DNAJB12: variants seen among roughly 807,000 people sequenced by gnomAD.
DNAJB12 encodes the protein dnaJ homolog subfamily B member 12.
In DNAJB12, 14 loss-of-function variants were observed where a neutral mutation model predicts 40.6. The ratio of observed to expected loss-of-function variants is 0.34; its 90% CI spans 0.23 to 0.54. The LOEUF (loss-of-function observed/expected upper bound fraction) is 0.54. Among genes scored for constraint, DNAJB12 ranks in the 20% least tolerant of loss-of-function variants. The pLI is 0.92. For synonymous variants in DNAJB12, 181 were observed against 199.5 expected, an observed-to-expected ratio of 0.91 and a Z score of 0.78; for missense variants, 444 against 501.7, an observed-to-expected ratio of 0.89 and a Z score of 1.10.
chr10:72,353,042 G>A (rs925175459), intron 1 of DNAJB12, among the ~76,000 whole-genome samples: 1 of 152,244 alleles, frequency 6.6e-6, no homozygotes, highest in African/African-American at 2.4e-5. Context: ...TGCATAAGGC[G>A]TATAGTCTCA....
At chr10:72,347,058 G>A (rs549498889) in intron 1 of DNAJB12, among the ~76,000 whole-genome samples, 3 of 151,184 alleles carry the variant, frequency 2.0e-5, no homozygotes, top group South Asian at 2.1e-4. Flanking sequence ...TCTGCCTCCC[G>A]GTTTCAAGCG....
rs917812123 is a variant in DNAJB12 at position 72,346,156 on chromosome 10, AT to A, written c.134-1030del. ...ACCCTATAGTACTTTATTTAGAGTT[AT>A]TTTTTTTTATTTGTTTGTTTATTTG... On this transcript the variant is annotated intron_variant, in intron 1 of 8. Coordinates refer to ENST00000444643, the MANE Select transcript of DNAJB12 (RefSeq NM_017626.7). 1.1e-4 allele frequency among the ~76,000 whole-genome samples: 17 copies of A among 151,016 alleles called. No homozygotes were observed. In the South Asian group the frequency reaches 1.9e-3, roughly 17 times the overall value.
At chr10:72,354,697 G>T in intron 1 of DNAJB12, 68 bp downstream of exon 1, 1 of 1,294,118 alleles carries the variant, frequency 7.7e-7, no homozygotes, top group South Asian at 1.3e-5. Context: ...AACTGCTCCC[G>T]TCGGTCCGTT....
chr10:72,344,804 C>G, intron 2 of DNAJB12, 146 bp downstream of exon 2: 1 of 923,056 alleles, frequency 1.1e-6, no homozygotes, highest in Non-Finnish European at 1.7e-6. Context: ...TCCTGGTGAG[C>G]CTGGACCCTT....
rs942298595 is a variant in DNAJB12, at chr10:72,335,937, A to G, written c.1007-6T>C. ...CCGGTACAGCAAGCCTTCCTCTGCA[A>G]AGCAATGGGACAGGGTTAGTGCACA... is the stretch of plus-strand genomic sequence containing the variant. On this transcript the variant is annotated splice_region_variant and splice_polypyrimidine_tract_variant and intron_variant, in intron 7 of 8. Coordinates refer to ENST00000444643, the MANE Select transcript of DNAJB12 (RefSeq NM_017626.7). The surrounding 1 kb of genome is among the most constrained non-coding windows in gnomAD (Gnocchi z 4.4). The G allele has an allele frequency of 6.2e-7, 1 of 1,614,038 alleles. No individual in the cohort carries two copies. Among genetic ancestry groups the G allele is most frequent in the Non-Finnish European group, 8.5e-7 (1 of 1,179,928 alleles).
At chr10:72,345,627 C>T (rs1384994918) in intron 1 of DNAJB12, among the ~76,000 whole-genome samples, 11 of 140,124 alleles carry the variant, frequency 7.9e-5, no homozygotes, top group Admixed American at 4.3e-4. Context: ...AATCCCAGCA[C>T]TTTGGGAGGC....
chr10:72,353,930 C>T (rs937202201), intron 1 of DNAJB12: 2 of 152,218 alleles, frequency 1.3e-5, no homozygotes, highest in Admixed American at 1.3e-4. Flanking sequence ...AAGAAAAACT[C>T]CTTGGAAAAC....
chr10:72,340,115 C>T (rs1200770094), intron 5 of DNAJB12, among the ~76,000 whole-genome samples: 1 of 152,036 alleles, frequency 6.6e-6, no homozygotes, highest in Admixed American at 6.6e-5. Context: ...GAGGCTGAGG[C>T]GGGTGAATCA....
At chr10:72,354,696 C>G (rs375559748) in intron 1 of DNAJB12, 69 bp downstream of exon 1, 2 of 1,430,008 alleles carry the variant, frequency 1.4e-6, no homozygotes, top group Non-Finnish European at 9.5e-7. Context: ...CAACTGCTCC[C>G]GTCGGTCCGT....
At chr10:72,348,084 G>A (rs760160112) in intron 1 of DNAJB12, among the ~76,000 whole-genome samples, 5 of 150,286 alleles carry the variant, frequency 3.3e-5, no homozygotes, top group Admixed American at 1.3e-4. Context: ...ATTAGCCGGC[G>A]TGGTGGCAGG....
intron 6 of DNAJB12, among the ~76,000 whole-genome samples, chr10:72,337,745 TC>T (rs1330452359): frequency 1.3e-5 from 2 of 152,150 alleles, no homozygotes; most frequent in Non-Finnish European, 2.9e-5. Flanking sequence ...CCCTGTTCTT[TC>T]CACAGCCTCA....
intron 3 of DNAJB12, 122 bp downstream of exon 3, chr10:72,343,244 C>A: frequency 7.7e-7 from 1 of 1,301,394 alleles, no homozygotes; most frequent in Non-Finnish European, 1.1e-6. Flanking sequence ...GCCTGGGCAA[C>A]TTGGGCCCAA....
At chr10:72,337,936 CGT>C (rs753596521) in intron 6 of DNAJB12, among the ~76,000 whole-genome samples, 1 of 151,848 alleles carries the variant, frequency 6.6e-6, no homozygotes, top group African/African-American at 2.4e-5. Context: ...ACATGTGTAT[CGT>C]GTGTGTGTAT....
chr10:72,335,041 CT>C lies in DNAJB12; in HGVS notation c.*31-425del. On this transcript the variant is annotated intron_variant, in intron 8 of 8. Transcript: ENST00000444643. This position sits in a 1 kb window ranked among gnomAD's most constrained non-coding sequence, Gnocchi z 4.4. ...CCTCCACCCCTCCTGTGCTGAGCGGCTGCGTCTGACCCTGAACTCATGACCT... is the reference window on the plus strand; with the variant it reads ...CCTCCACCCCTCCTGTGCTGAGCGGCGCGTCTGACCCTGAACTCATGACCT... 9.8e-7 allele frequency: 1 copy of C among 1,023,862 alleles called. No individual in the cohort carries two copies. The highest frequency in any genetic ancestry group is 1.2e-6 in the Non-Finnish European group (1 of 854,444). 63.4% of individuals were successfully genotyped at this position (1,023,862 alleles called of 1,614,324 possible). A position where few individuals can be genotyped will look rare whatever the true frequency, so the allele number is the denominator to read the frequency against.
Position 72,335,106 on chromosome 10 carries a change from C to G in DNAJB12, c.*31-489G>C. 1.0e-6 allele frequency: 1 copy of G among 990,650 alleles called. No individual in the cohort carries two copies. The highest frequency in any genetic ancestry group is 4.5e-5 in the South Asian group (1 of 21,984). 61.4% of individuals were successfully genotyped at this position (990,650 alleles called of 1,614,324 possible). On this transcript the variant is annotated intron_variant, in intron 8 of 8. Coordinates refer to ENST00000444643, the MANE Select transcript of DNAJB12 (RefSeq NM_017626.7). This position sits in a 1 kb window ranked among gnomAD's most constrained non-coding sequence, Gnocchi z 4.4. ...TCAGACCGCAGGCGAGATGCCTGGGCAAGGCCGGATGCCTGTGGCTTCCAG... is the reference window on the plus strand; with the variant it reads ...TCAGACCGCAGGCGAGATGCCTGGGGAAGGCCGGATGCCTGTGGCTTCCAG...
intron 2 of DNAJB12, 57 bp from the exon 3 acceptor site, chr10:72,343,568 G>A (rs1861701589): frequency 6.3e-7 from 1 of 1,588,834 alleles, no homozygotes; most frequent in African/African-American, 1.3e-5. Flanking sequence ...TGTGAGGGGG[G>A]CGATGAACAG....
intron 3 of DNAJB12, among the ~76,000 whole-genome samples, chr10:72,342,379 A>G (rs1186226681): frequency 1.3e-5 from 2 of 152,208 alleles, no homozygotes; most frequent in African/African-American, 2.4e-5. Context: ...GGAGCGCGGA[A>G]TCGTCTCCTC....
chr10:72,336,534 C>G lies in DNAJB12; in HGVS notation c.996G>C (p.Glu332Asp). The change falls in exon 7 of 9, where the codon GAG becomes GAC. Residue 332 changes from glutamate (E) to aspartate (D), a missense_variant. By Grantham distance (45) the Glu-to-Asp change is conservative. Transcript: ENST00000444643. The part of the protein sequence containing the change: ...IANLRNNCWK[E>D]KQQKEGLLYR... ...TCCCCCCACACTCACTCTGCTGCTT[C>G]TCCTTCCAGCAGTTGTTCCGGAGGT... 1 of 1,613,856 alleles carries G rather than the reference C, an allele frequency of 6.2e-7. No individual in the cohort carries two copies. The highest frequency in any genetic ancestry group is 8.5e-7 in the Non-Finnish European group (1 of 1,179,872).
At chr10:72,338,135 C>CCCCTG in intron 6 of DNAJB12, 67 bp downstream of exon 6, 1 of 1,370,872 alleles carries the variant, frequency 7.3e-7, no homozygotes, top group Non-Finnish European at 1.0e-6. Context: ...GGAAAGAAGG[C>CCCCTG]CCCTGATGGG....
Sources: gnomAD v4.1 joint callset for allele counts (sites outside exome capture counted in the v4.1 genomes callset) on GRCh38, gnomAD v4.1.1 for gene constraint, Gnocchi (gnomAD v3.1) non-coding constraint, MANE v1.5 for transcripts, NCBI Gene and HGNC (gene_info 2026-07-23, HGNC 2026-07-21) for gene names.